CCBE1: variants seen among roughly 807,000 people sequenced by gnomAD.
CCBE1 encodes the protein collagen and calcium binding EGF domains 1.
Under a neutral mutation model 50.0 loss-of-function variants are expected in CCBE1, and 37 were observed. The ratio of observed to expected loss-of-function variants is 0.74; its 90% CI spans 0.57 to 0.97. The LOEUF (loss-of-function observed/expected upper bound fraction) is 0.97, where lower values mean the gene tolerates loss of function less well. Among genes scored for constraint, CCBE1 ranks in the 50% least tolerant of loss-of-function variants. CCBE1 has a pLI of 0.00. For missense variants in CCBE1, 538 were observed against 523.8 expected, an observed-to-expected ratio of 1.03 and a Z score of -0.26; for synonymous variants, 234 against 203.7, an observed-to-expected ratio of 1.15 and a Z score of -1.27.
chr18:59,451,843 C>G (rs1190122589), intron 6 of CCBE1, among the ~76,000 whole-genome samples: 1 of 152,122 alleles, frequency 6.6e-6, no homozygotes, highest in Non-Finnish European at 1.5e-5. Flanking sequence ...TTAAAGAACT[C>G]CCAAATCAAT....
At chr18:59,610,472 G>A (rs2053553604) in intron 2 of CCBE1, among the ~76,000 whole-genome samples, 1 of 148,674 alleles carries the variant, frequency 6.7e-6, no homozygotes, top group Non-Finnish European at 1.5e-5. Flanking sequence ...AGAAAAGGTT[G>A]CTAGACTCTA....
At chr18:59,650,111 T>G in intron 2 of CCBE1, among the ~76,000 whole-genome samples, 1 of 152,068 alleles carries the variant, frequency 6.6e-6, no homozygotes, top group South Asian at 2.1e-4. Context: ...AGGTGTGACT[T>G]CAAATATGGC....
chr18:59,580,762 T>A (rs886270506), intron 2 of CCBE1, among the ~76,000 whole-genome samples: 4 of 152,180 alleles, frequency 2.6e-5, no homozygotes, highest in Admixed American at 2.6e-4. Context: ...TCAAATTTTT[T>A]AAAAACAAAA....
intron 4 of CCBE1, among the ~76,000 whole-genome samples, chr18:59,469,244 TTA>T (rs1911904189): frequency 6.6e-6 from 1 of 152,242 alleles, no homozygotes; most frequent in Non-Finnish European, 1.5e-5. Flanking sequence ...TCTCCTGCTC[TTA>T]TGTCTCATTG....
At chr18:59,647,620 C>T (rs1374467965) in intron 2 of CCBE1, among the ~76,000 whole-genome samples, 1 of 152,138 alleles carries the variant, frequency 6.6e-6, no homozygotes, top group Non-Finnish European at 1.5e-5. Flanking sequence ...ATACAGTCTA[C>T]AGTCAAAGGA....
At chr18:59,488,255 G>T (rs1598944461) in intron 2 of CCBE1, among the ~76,000 whole-genome samples, 1 of 152,290 alleles carries the variant, frequency 6.6e-6, no homozygotes, top group East Asian at 1.9e-4. Flanking sequence ...AAAAATTCTG[G>T]AGACGGATGG....
At chr18:59,575,013 C>A (rs1568214151) in intron 2 of CCBE1, among the ~76,000 whole-genome samples, 2 of 152,096 alleles carry the variant, frequency 1.3e-5, no homozygotes, top group South Asian at 4.1e-4. Context: ...GAGACACACA[C>A]ACAGGGAAAA....
intron 2 of CCBE1, among the ~76,000 whole-genome samples, chr18:59,652,511 G>T (rs1046955068): frequency 6.6e-6 from 1 of 151,470 alleles, no homozygotes; most frequent in Non-Finnish European, 1.5e-5. Context: ...CCATAGCCTA[G>T]AATAAAATAC....
intron 7 of CCBE1, among the ~76,000 whole-genome samples, chr18:59,440,854 T>C (rs1359158726): frequency 1.3e-5 from 2 of 152,136 alleles, no homozygotes; most frequent in East Asian, 3.9e-4. Flanking sequence ...ATGGAGTAAG[T>C]AATAGCAATC....
intron 2 of CCBE1, among the ~76,000 whole-genome samples, chr18:59,544,370 A>T (rs1165153271): frequency 6.6e-6 from 1 of 152,202 alleles, no homozygotes; most frequent in Non-Finnish European, 1.5e-5. Context: ...GAAATTTTAA[A>T]ATTAACCCTC....
In CCBE1 at chr18:59,571,394, G is replaced by T. The variant is rs146377398; in HGVS notation, c.213-91156C>A. On this transcript the variant is annotated intron_variant, in intron 2 of 10. Transcript: ENST00000439986. The stretch of plus-strand genomic sequence containing the variant: ...TCGCAAGGACAGAAAACCAAACACC[G>T]CATGTTCTCACTCATAGGTGGGAAT... 6.9e-3 allele frequency among the ~76,000 whole-genome samples: 1,018 copies of T among 147,856 alleles called. 18 individuals are homozygous for T. Among genetic ancestry groups the T allele is most frequent in the African/African-American group, 0.025 (993 of 40,316 alleles).
At chr18:59,576,341 A>G (rs1208739837) in intron 2 of CCBE1, among the ~76,000 whole-genome samples, 3 of 152,224 alleles carry the variant, frequency 2.0e-5, no homozygotes, top group South Asian at 2.1e-4. Context: ...TCATAAGAGA[A>G]TATCAGTGTT....
intron 2 of CCBE1, among the ~76,000 whole-genome samples, chr18:59,646,815 C>CA (rs2054060460): frequency 6.6e-6 from 1 of 152,190 alleles, no homozygotes. Flanking sequence ...TGTGTTTTAA[C>CA]CATCAGCCAA....
At chr18:59,502,881 A>G (rs897174391) in intron 2 of CCBE1, among the ~76,000 whole-genome samples, 1 of 152,196 alleles carries the variant, frequency 6.6e-6, no homozygotes, top group African/African-American at 2.4e-5. Flanking sequence ...CTAGTTTTGC[A>G]GTCTCTCCTA....
chr18:59,571,557 T>C (rs1418115390), intron 2 of CCBE1, among the ~76,000 whole-genome samples: 1 of 151,320 alleles, frequency 6.6e-6, no homozygotes, highest in Non-Finnish European at 1.5e-5. Context: ...GCACACCACA[T>C]GGCACATATA....
intron 2 of CCBE1, among the ~76,000 whole-genome samples, chr18:59,509,892 C>T (rs550979309): frequency 2.8e-4 from 43 of 152,216 alleles, no homozygotes; most frequent in Non-Finnish European, 3.1e-4. Flanking sequence ...GTTTTCAAAG[C>T]GATGTCATGG....
chr18:59,587,986 G>A (rs2144526590), intron 2 of CCBE1, among the ~76,000 whole-genome samples: 1 of 152,286 alleles, frequency 6.6e-6, no homozygotes, highest in East Asian at 1.9e-4. Flanking sequence ...ATTAGAGAAG[G>A]CTAAGAAGAA....
intron 2 of CCBE1, among the ~76,000 whole-genome samples, chr18:59,529,811 G>T (rs937438422): frequency 6.6e-6 from 1 of 152,104 alleles, no homozygotes; most frequent in Non-Finnish European, 1.5e-5. Flanking sequence ...GCCCCTCCTA[G>T]CCCCTGGTGG....
At chr18:59,526,537 CTG>C (rs1198270784) in intron 2 of CCBE1, among the ~76,000 whole-genome samples, 1 of 152,096 alleles carries the variant, frequency 6.6e-6, no homozygotes, top group East Asian at 1.9e-4. Context: ...TCTCGAACTC[CTG>C]ACCTCGTGAT....
Sources: allele counts gnomAD v4.1 joint callset (sites outside exome capture counted in the v4.1 genomes callset), GRCh38; gene constraint gnomAD v4.1.1; transcripts MANE v1.5; gene names NCBI Gene and HGNC (gene_info 2026-07-23, HGNC 2026-07-21).